Variants in RASGRP3 observed in about 807,000 individuals in gnomAD.
The protein encoded by RASGRP3 is RAS guanyl releasing protein 3, also known as ras guanyl-releasing protein 3.
In RASGRP3, 54 loss-of-function variants were observed where a neutral mutation model predicts 82.7. The observed-to-expected ratio is 0.65, with a 90% CI of 0.52 to 0.82. The LOEUF is 0.82. Ranked by LOEUF, RASGRP3 falls within the 40% of genes least tolerant of loss-of-function variation. The probability of loss-of-function intolerance (pLI) is 0.00; values close to 1 mark genes in which losing one functional copy is unlikely to be tolerated. For missense variants in RASGRP3, 861 were observed against 828.9 expected (o/e 1.04, Z -0.48); for synonymous variants, 309 against 300.5 (o/e 1.03, Z -0.29).
intron 2 of RASGRP3, chr2:33,514,119 A>G (rs903133302): frequency 6.6e-6 from 1 of 152,196 alleles, no homozygotes; most frequent in African/African-American, 2.4e-5. Context: ...GTTCAATAAT[A>G]TATGCAAAGC....
chr2:33,451,710 T>A (rs1307200586), intron 2 of RASGRP3, among the ~76,000 whole-genome samples: 1 of 152,162 alleles, frequency 6.6e-6, no homozygotes, highest in African/African-American at 2.4e-5. Context: ...ATCTCTGTAT[T>A]TAATCTGCTT....
intron 2 of RASGRP3, among the ~76,000 whole-genome samples, chr2:33,512,631 A>G (rs1671037664): frequency 6.6e-6 from 1 of 152,320 alleles, no homozygotes; most frequent in East Asian, 1.9e-4. Flanking sequence ...TTAGTAAACA[A>G]ACTTCAAAAA....
chr2:33,496,424 C>A (rs1384453907), intron 1 of RASGRP3, among the ~76,000 whole-genome samples: 2 of 152,160 alleles, frequency 1.3e-5, no homozygotes, highest in East Asian at 1.9e-4. Flanking sequence ...AGGCTTATGG[C>A]ATCTATAGTC....
chr2:33,448,879 T>G (rs1665640325), intron 2 of RASGRP3, among the ~76,000 whole-genome samples: 2 of 152,208 alleles, frequency 1.3e-5, no homozygotes, highest in Non-Finnish European at 2.9e-5. Flanking sequence ...CGCAGTGAAT[T>G]GTATGGTATG....
In RASGRP3 at chr2:33,515,289, A is replaced by T. The variant is rs969976611; in HGVS notation, c.70+83A>T. ...TATTCAGAGGCAAGTTGCTTGTAGA[A>T]CAGAGTTCAGTCTCTGTACCTTGGT... is the stretch of plus-strand genomic sequence containing the variant. On this transcript the variant is annotated intron_variant, in intron 3 of 17. Coordinates refer to ENST00000403687, the MANE Select transcript of RASGRP3 (RefSeq NM_001139488.2). 4.1e-6 allele frequency: 6 copies of T among 1,461,862 alleles called. No homozygotes were observed. In the African/African-American group the frequency reaches 8.4e-5, roughly 20 times the overall value. 90.6% of individuals were successfully genotyped at this position (1,461,862 alleles called of 1,614,324 possible). A position where few individuals can be genotyped will look rare whatever the true frequency, so the allele number is the denominator to read the frequency against.
intron 13 of RASGRP3, among the ~76,000 whole-genome samples, chr2:33,544,423 A>C (rs1336828349): frequency 2.0e-5 from 3 of 152,214 alleles, no homozygotes; most frequent in African/African-American, 7.2e-5. Flanking sequence ...TTGTCTTGAT[A>C]AAGAAAAAAT....
chr2:33,469,817 T>G (rs993370584), intron 2 of RASGRP3, among the ~76,000 whole-genome samples: 1 of 152,254 alleles, frequency 6.6e-6, no homozygotes, highest in Non-Finnish European at 1.5e-5. Context: ...GTGTATGGCA[T>G]GAAGTAATGA....
chr2:33,510,892 A>G (rs1445886446), intron 1 of RASGRP3, among the ~76,000 whole-genome samples: 1 of 152,202 alleles, frequency 6.6e-6, no homozygotes, highest in Non-Finnish European at 1.5e-5. Flanking sequence ...ATGAACAGTT[A>G]CATGGAATTG....
chr2:33,469,541 C>T (rs967675580), intron 2 of RASGRP3, among the ~76,000 whole-genome samples: 2 of 151,474 alleles, frequency 1.3e-5, no homozygotes, highest in African/African-American at 4.9e-5. Context: ...CTCACTGCAA[C>T]CTCCACCTCC....
chr2:33,541,069 CTG>C (rs1241191984), intron 12 of RASGRP3, among the ~76,000 whole-genome samples: 3 of 146,872 alleles, frequency 2.0e-5, no homozygotes, highest in Admixed American at 1.4e-4. Context: ...TTAATTAAAA[CTG>C]GAATCAAAAT....
At chr2:33,446,968 C>T (rs1665534162) in intron 1 of RASGRP3, among the ~76,000 whole-genome samples, 1 of 151,836 alleles carries the variant, frequency 6.6e-6, no homozygotes, top group African/African-American at 2.4e-5. Context: ...GCGGTGAAAC[C>T]CCGTCTCTGC....
At chr2:33,447,428 TGGAG>T (rs1277739399) in intron 1 of RASGRP3, among the ~76,000 whole-genome samples, 3 of 145,938 alleles carry the variant, frequency 2.1e-5, no homozygotes, top group Non-Finnish European at 3.1e-5. Context: ...GCCCCAACCT[TGGAG>T]TGTGCACATT....
At chr2:33,488,871 A>G (rs968564730) in intron 1 of RASGRP3, among the ~76,000 whole-genome samples, 19 of 152,224 alleles carry the variant, frequency 1.2e-4, no homozygotes, top group Non-Finnish European at 5.9e-5. Flanking sequence ...TTGGAAACTG[A>G]AAAACTCAGT....
Position 33,530,497 on chromosome 2 carries a change from CTTTT to C in RASGRP3, c.1083+3106_1083+3109del, listed in dbSNP as rs746592952. Among the ~76,000 whole-genome samples, 182 of 117,076 alleles carry C rather than the reference CTTTT, an allele frequency of 1.6e-3. 2 individuals carry two copies. Among genetic ancestry groups the C allele is most frequent in the African/African-American group, 6.1e-3 (175 of 28,836 alleles). The allele number at this position is 117,076 out of a possible 152,430, so 76.8% of individuals were successfully genotyped here. ...AGTGTAACATCACCCCTGCCCCTTC[CTTTT>C]TTTTTTTTTTTTTTTTTTTTAAACT... is the stretch of plus-strand genomic sequence containing the variant. On this transcript the variant is annotated intron_variant, in intron 10 of 17. Coordinates refer to ENST00000403687, the MANE Select transcript of RASGRP3 (RefSeq NM_001139488.2).
chr2:33,551,317 C>A (rs1450649561), intron 14 of RASGRP3, among the ~76,000 whole-genome samples: 1 of 151,820 alleles, frequency 6.6e-6, no homozygotes, highest in Non-Finnish European at 1.5e-5. Context: ...AGTCTCAAAA[C>A]AAAACAAAAT....
At chr2:33,544,108 G>C (rs1256156723) in intron 13 of RASGRP3, among the ~76,000 whole-genome samples, 1 of 152,168 alleles carries the variant, frequency 6.6e-6, no homozygotes, top group Non-Finnish European at 1.5e-5. Flanking sequence ...GAGGCCAGGA[G>C]TTAAAGACCA....
intron 1 of RASGRP3, among the ~76,000 whole-genome samples, chr2:33,509,068 T>C (rs1239008709): frequency 6.6e-6 from 1 of 152,134 alleles, no homozygotes; most frequent in Non-Finnish European, 1.5e-5. Flanking sequence ...TTGCTTGATA[T>C]GGTGAAGAGG....
rs139396758 is a variant in RASGRP3, at chr2:33,558,006, G to A, written c.1580-205G>A. Among the ~76,000 whole-genome samples the A allele has an allele frequency of 2.6e-3, 395 of 152,126 alleles. 1 individual carries two copies. Among genetic ancestry groups the A allele is most frequent in the African/African-American group, 7.1e-3 (296 of 41,500 alleles). On this transcript the variant is annotated intron_variant, in intron 15 of 17. Transcript: ENST00000403687. Reference sequence around the variant, plus strand: ...AGAACCAAGCTGAGCAAATCTAAGAGAATTTTCGGAACCTCAGGAAGGCAA... The same window carrying A: ...AGAACCAAGCTGAGCAAATCTAAGAAAATTTTCGGAACCTCAGGAAGGCAA...
At chr2:33,524,959 T>C (rs1672385305) in intron 9 of RASGRP3, among the ~76,000 whole-genome samples, 1 of 151,674 alleles carries the variant, frequency 6.6e-6, no homozygotes, top group African/African-American at 2.4e-5. Context: ...CAGGCACCTG[T>C]AGTCCCAGTT....
Sources: allele counts gnomAD v4.1 joint callset (sites outside exome capture counted in the v4.1 genomes callset), GRCh38; gene constraint gnomAD v4.1.1; transcripts MANE v1.5; gene names NCBI Gene and HGNC (gene_info 2026-07-23, HGNC 2026-07-21).